Variants in ACTR3C observed in about 807,000 individuals in gnomAD.
ACTR3C encodes actin-related protein 3C.
A neutral mutation model predicts 26.3 loss-of-function variants in ACTR3C; 18 were observed. The ratio of observed to expected loss-of-function variants is 0.68; its 90% CI spans 0.47 to 1.01. ACTR3C has a LOEUF of 1.01. ACTR3C is among the 50% of genes least tolerant of loss of function. ACTR3C has a pLI of 0.00. For missense variants in ACTR3C, 184 were observed against 250.7 expected, an observed-to-expected ratio of 0.73 and a Z score of 1.80; for synonymous variants, 55 against 94.5, an observed-to-expected ratio of 0.58 and a Z score of 2.42.
chr7:150,017,212 T>C, the ACTR3C span, among the ~76,000 whole-genome samples: 1 of 151,802 alleles, frequency 6.6e-6, no homozygotes. Flanking sequence ...GTGACCTTTT[T>C]CATAACATGT....
the ACTR3C span, among the ~76,000 whole-genome samples, chr7:150,046,351 C>CCCA: frequency 1.6e-5 from 1 of 60,850 alleles, no homozygotes; most frequent in Non-Finnish European, 4.4e-5. Context: ...CTCACCGCCC[C>CCCA]CCCCCCCCCG....
chr7:150,152,790 G>C, the ACTR3C span, among the ~76,000 whole-genome samples: 1 of 152,104 alleles, frequency 6.6e-6, no homozygotes, highest in African/African-American at 2.4e-5. Flanking sequence ...TGGTTGGTAA[G>C]CTATTGATTA....
the ACTR3C span, among the ~76,000 whole-genome samples, chr7:150,022,961 A>G: frequency 1.3e-5 from 2 of 151,300 alleles, no homozygotes. Context: ...ATTTGCTCCT[A>G]CCTATTTTAC....
chr7:150,012,391 T>G, the ACTR3C span, among the ~76,000 whole-genome samples: 1 of 150,794 alleles, frequency 6.6e-6, no homozygotes, highest in African/African-American at 2.4e-5. Flanking sequence ...CTCAGCTCAC[T>G]GCAAGCTCTG....
intron 6 of ACTR3C, among the ~76,000 whole-genome samples, chr7:150,252,872 T>G (rs1044832935): frequency 2.0e-5 from 3 of 152,154 alleles, no homozygotes; most frequent in African/African-American, 7.3e-5. Flanking sequence ...TTTATTAATA[T>G]GATATATTGT....
the ACTR3C span, among the ~76,000 whole-genome samples, chr7:150,210,136 A>T: frequency 2.6e-5 from 4 of 151,966 alleles, no homozygotes; most frequent in Non-Finnish European, 4.4e-5. Context: ...TAACATCATC[A>T]GCCATTGCAA....
chr7:150,262,435 C>A (rs534786986), intron 6 of ACTR3C, among the ~76,000 whole-genome samples: 329 of 151,986 alleles, frequency 2.2e-3, no homozygotes, highest in African/African-American at 7.5e-3. Flanking sequence ...TAAACCGAGC[C>A]TTTTCTGGGT....
the ACTR3C span, among the ~76,000 whole-genome samples, chr7:150,175,227 A>T: frequency 1.3e-5 from 2 of 148,784 alleles, no homozygotes; most frequent in Admixed American, 1.3e-4. Flanking sequence ...AAGATAATAG[A>T]TTTCTCTCTG....
At chr7:150,097,777 A>G in the ACTR3C span, among the ~76,000 whole-genome samples, 23,461 of 151,192 alleles carry the variant, frequency 0.16, 2,381 homozygotes, top group African/African-American at 0.23. Flanking sequence ...GCTGGGCCAC[A>G]GGCAGAGGCA....
intron 1 of ACTR3C, among the ~76,000 whole-genome samples, chr7:150,299,464 CAAAAAAAAAAAAAAAAA>C (rs759969034): frequency 7.1e-5 from 1 of 14,114 alleles, no homozygotes; most frequent in African/African-American, 2.2e-4. Flanking sequence ...GACCCCCTCT[CAAAAAAAAAAAAAAAAA>C]AAAAAAAAAA....
intron 6 of ACTR3C, among the ~76,000 whole-genome samples, chr7:150,257,743 T>C (rs1360460591): frequency 6.6e-6 from 1 of 152,044 alleles, no homozygotes; most frequent in Non-Finnish European, 1.5e-5. Flanking sequence ...GAAGCAGAGA[T>C]TGTATATTAT....
chr7:149,883,725 C>T, the ACTR3C span, among the ~76,000 whole-genome samples: 2 of 152,256 alleles, frequency 1.3e-5, no homozygotes, highest in East Asian at 3.9e-4. Context: ...CACGATAATT[C>T]TCCAGACAGT....
chr7:150,164,363 G>A, the ACTR3C span, among the ~76,000 whole-genome samples: 2 of 152,204 alleles, frequency 1.3e-5, no homozygotes, highest in Non-Finnish European at 2.9e-5. Flanking sequence ...CCACAGTGAT[G>A]AAAAGTGGTC....
chr7:149,902,836 T>C, the ACTR3C span, among the ~76,000 whole-genome samples: 12,156 of 69,788 alleles, frequency 0.17, 961 homozygotes, highest in South Asian at 0.38. Context: ...TCCCAGCTAC[T>C]TGGGAGGCTG....
the ACTR3C span, among the ~76,000 whole-genome samples, chr7:150,010,451 T>C: frequency 6.6e-6 from 1 of 152,142 alleles, no homozygotes; most frequent in African/African-American, 2.4e-5. Flanking sequence ...TAGGCTCTAC[T>C]TTAGGAGGCC....
the ACTR3C span, among the ~76,000 whole-genome samples, chr7:149,990,624 G>A: frequency 7.2e-6 from 1 of 138,800 alleles, no homozygotes; most frequent in Non-Finnish European, 1.5e-5. Context: ...GCAGACACAT[G>A]AACATAAGTT....
the ACTR3C span, among the ~76,000 whole-genome samples, chr7:149,938,815 G>A: frequency 6.6e-6 from 1 of 151,216 alleles, no homozygotes; most frequent in Non-Finnish European, 1.5e-5. Context: ...ATAATTATAT[G>A]GGAGTATGGG....
the ACTR3C span, among the ~76,000 whole-genome samples, chr7:150,037,479 G>C: frequency 1.7e-5 from 1 of 58,568 alleles, no homozygotes; most frequent in South Asian, 6.0e-4. Flanking sequence ...CCTGCGATGG[G>C]GGTAGCAACA....
chr7:150,111,025 C>T, the ACTR3C span, among the ~76,000 whole-genome samples: 2 of 151,140 alleles, frequency 1.3e-5, no homozygotes, highest in Non-Finnish European at 3.0e-5. Context: ...CAGTGGTCCA[C>T]GCTCTCTCAT....
Sources: allele counts gnomAD v4.1 joint callset (sites outside exome capture counted in the v4.1 genomes callset), GRCh38; gene constraint gnomAD v4.1.1; transcripts MANE v1.5; gene names NCBI Gene and HGNC (gene_info 2026-07-23, HGNC 2026-07-21).